TMEM131L: variants seen among roughly 807,000 people sequenced by gnomAD.
TMEM131L encodes transmembrane 131 like, also known as transmembrane protein 131-like.
A neutral mutation model predicts 192.2 loss-of-function variants in TMEM131L; 54 were observed. That is an observed-to-expected ratio of 0.28 (90% CI 0.23 to 0.35). TMEM131L has a LOEUF of 0.35. Ranked by LOEUF, TMEM131L falls within the 10% of genes least tolerant of loss-of-function variation. The pLI is 1.00. For synonymous variants in TMEM131L, 701 were observed against 704.9 expected (o/e 0.99, Z 0.09); for missense variants, 1,888 against 1,972.9 (o/e 0.96, Z 0.82).
intron 5 of TMEM131L, among the ~76,000 whole-genome samples, chr4:153,556,557 A>G (rs534940173): frequency 1.3e-5 from 2 of 152,280 alleles, no homozygotes; most frequent in African/African-American, 4.8e-5. Flanking sequence ...GGGAAGCCCA[A>G]TATTTGGTTT....
Position 153,555,986 on chromosome 4 carries a change from T to C in TMEM131L, c.432+76T>C. 7 of 1,458,614 alleles carry C rather than the reference T, an allele frequency of 4.8e-6. No homozygotes were observed. The South Asian group carries it at 9.1e-5, about 19-fold the overall frequency. 90.4% of individuals were successfully genotyped at this position (1,458,614 alleles called of 1,614,324 possible). ...TTCTTGCTTTCTTTGGCCTGAAGTT[T>C]TTACTTTCTGCTCCCTGTCTCCCGC... is the stretch of plus-strand genomic sequence containing the variant. On this transcript the variant is annotated intron_variant, in intron 5 of 34. Coordinates refer to ENST00000409959, the MANE Select transcript of TMEM131L (RefSeq NM_001131007.2). The surrounding 1 kb of genome is among the most constrained non-coding windows in gnomAD (Gnocchi z 4.1).
intron 2 of TMEM131L, among the ~76,000 whole-genome samples, chr4:153,468,176 A>C (rs1303032907): frequency 6.6e-6 from 1 of 152,198 alleles, no homozygotes; most frequent in Non-Finnish European, 1.5e-5. Flanking sequence ...ACTTTACCGG[A>C]GAGGCTGTCC....
At chr4:153,622,050 G>GC (rs1318457878) in intron 28 of TMEM131L, among the ~76,000 whole-genome samples, 1 of 152,126 alleles carries the variant, frequency 6.6e-6, no homozygotes. Context: ...CTCTAGTGCT[G>GC]CCCCCCAGCC....
intron 17 of TMEM131L, among the ~76,000 whole-genome samples, chr4:153,591,404 C>CAA (rs1204738377): frequency 5.9e-5 from 9 of 152,196 alleles, no homozygotes; most frequent in Admixed American, 5.9e-4. Context: ...ATAAATGTGT[C>CAA]AGTTAAGAAA....
chr4:153,594,328 C>A (rs1431761028), intron 19 of TMEM131L, among the ~76,000 whole-genome samples: 1 of 152,212 alleles, frequency 6.6e-6, no homozygotes, highest in African/African-American at 2.4e-5. Flanking sequence ...AAGGACTACT[C>A]TAAAATTCTT....
intron 3 of TMEM131L, among the ~76,000 whole-genome samples, chr4:153,489,243 G>A (rs1189515930): frequency 6.6e-6 from 1 of 152,106 alleles, no homozygotes; most frequent in Non-Finnish European, 1.5e-5. Context: ...TTGGGCTGGT[G>A]ATGTGTGAAG....
chr4:153,549,964 G>T, intron 3 of TMEM131L, 109 bp from the exon 4 acceptor site: 1 of 465,272 alleles, frequency 2.1e-6, no homozygotes, highest in Non-Finnish European at 3.9e-6. Flanking sequence ...AATCTATGAG[G>T]GAGTAAAATT....
chr4:153,493,030 A>C (rs1272105860), intron 3 of TMEM131L, among the ~76,000 whole-genome samples: 1 of 152,136 alleles, frequency 6.6e-6, no homozygotes, highest in Non-Finnish European at 1.5e-5. Flanking sequence ...ACCTCAAGGT[A>C]GGGTAGTAGC....
At chr4:153,620,608 A>G (rs1386173953) in intron 26 of TMEM131L, 148 bp from the exon 27 acceptor site, 5 of 406,858 alleles carry the variant, frequency 1.2e-5, no homozygotes, top group African/African-American at 1.1e-4. Flanking sequence ...GGGGAAATGA[A>G]AACAAACTAG....
chr4:153,483,670 G>A (rs1732103844), intron 3 of TMEM131L, among the ~76,000 whole-genome samples: 2 of 152,184 alleles, frequency 1.3e-5, no homozygotes, highest in Admixed American at 1.3e-4. Context: ...TCCAGCCTGG[G>A]TGACAGAGAG....
chr4:153,584,967 G>T, intron 12 of TMEM131L, 36 bp downstream of exon 12: 1 of 1,383,422 alleles, frequency 7.2e-7, no homozygotes, highest in Non-Finnish European at 1.0e-6. Context: ...ATCTTGTATG[G>T]TTGTTGTTGT....
intron 3 of TMEM131L, among the ~76,000 whole-genome samples, chr4:153,484,596 G>A (rs1451903922): frequency 2.0e-5 from 3 of 150,416 alleles, no homozygotes; most frequent in Non-Finnish European, 3.0e-5. Flanking sequence ...AGCCTCCCGA[G>A]TAGCTGGGAA....
At chr4:153,498,544 T>C (rs1057371648) in intron 3 of TMEM131L, among the ~76,000 whole-genome samples, 5 of 152,134 alleles carry the variant, frequency 3.3e-5, no homozygotes, top group Admixed American at 3.3e-4. Flanking sequence ...TGGGTGTGTG[T>C]GTATTTTTGG....
At chr4:153,567,762 C>G (rs530791081) in intron 7 of TMEM131L, among the ~76,000 whole-genome samples, 1 of 152,070 alleles carries the variant, frequency 6.6e-6, no homozygotes. Context: ...TGGCTGGTCT[C>G]GAACTTCTGA....
chr4:153,622,751 C>T (rs1050611657), intron 28 of TMEM131L, 147 bp from the exon 29 acceptor site: 2 of 754,520 alleles, frequency 2.7e-6, no homozygotes, highest in South Asian at 1.7e-5. Context: ...CCATTAGTTT[C>T]CATGAACTCC....
chr4:153,478,599 T>C (rs1273048460), intron 3 of TMEM131L, among the ~76,000 whole-genome samples: 1 of 152,230 alleles, frequency 6.6e-6, no homozygotes, highest in Non-Finnish European at 1.5e-5. Flanking sequence ...TTTTCCCTAA[T>C]GTTCTTTTTG....
chr4:153,581,366 T>G, intron 8 of TMEM131L, 41 bp from the exon 9 acceptor site: 1 of 1,460,718 alleles, frequency 6.8e-7, no homozygotes, highest in Non-Finnish European at 9.1e-7. Flanking sequence ...AAAGTTGAGA[T>G]GATTTTTTTT....
intron 7 of TMEM131L, among the ~76,000 whole-genome samples, chr4:153,562,868 A>C (rs558942287): frequency 3.1e-4 from 47 of 152,250 alleles, no homozygotes; most frequent in Non-Finnish European, 5.7e-4. Context: ...TATGTACGTC[A>C]GTTGAATCAT....
Position 153,586,357 on chromosome 4 carries a change from A to G in TMEM131L, c.1460A>G (p.Gln487Arg). 3 of 1,602,814 alleles carry G rather than the reference A, an allele frequency of 1.9e-6. No individual in the cohort carries two copies. Among genetic ancestry groups the G allele is most frequent in the Non-Finnish European group, 2.6e-6 (3 of 1,176,206 alleles). ...GGTGCCATTTTTGCAATACCTCTAC[A>G]GATTTATTCAGCACCAACCAAGGTA... ...NIGAIFAIPL[Q>R]IYSAPTKEGS... The change falls in exon 14 of 35, where the codon CAG (glutamine) becomes CGG (arginine). Residue 487 changes from glutamine to arginine, a missense_variant. Transcript: ENST00000409959.
Sources: allele counts gnomAD v4.1 joint callset (sites outside exome capture counted in the v4.1 genomes callset), GRCh38; gene constraint gnomAD v4.1.1; non-coding constraint Gnocchi (gnomAD v3.1); transcripts MANE v1.5; gene names NCBI Gene and HGNC (gene_info 2026-07-23, HGNC 2026-07-21).